Variants in GSTO2 observed in about 807,000 individuals in gnomAD.
GSTO2 encodes glutathione S-transferase omega 2, also known as glutathione S-transferase omega-2.
In GSTO2, 23 loss-of-function variants were observed where a neutral mutation model predicts 28.4. The ratio of observed to expected loss-of-function variants is 0.81; its 90% confidence interval spans 0.58 to 1.15. The LOEUF (loss-of-function observed/expected upper bound fraction) is 1.15, where lower values mean the gene tolerates loss of function less well. Among genes scored for constraint, GSTO2 ranks in the 50% most tolerant of loss-of-function variants. GSTO2 has a pLI of 0.00. For synonymous variants in GSTO2, 109 were observed against 111.0 expected (o/e 0.98, Z 0.11); for missense variants, 298 against 297.8 (o/e 1.00, Z 0.00).
chr10:104,274,978 T>G, intron 2 of GSTO2, 29 bp downstream of exon 2: 1 of 1,564,914 alleles, frequency 6.4e-7, no homozygotes, highest in Non-Finnish European at 8.6e-7. Context: ...GTCCGCGAGC[T>G]GGGGGCGCCG....
At chr10:104,281,710 T>C (rs1589863076) in intron 5 of GSTO2, among the ~76,000 whole-genome samples, 1 of 152,076 alleles carries the variant, frequency 6.6e-6, no homozygotes, top group East Asian at 1.9e-4. Flanking sequence ...GGCCTCTCTG[T>C]AAAGGCTCAG....
chr10:104,299,020 T>G (rs157079), intron 6 of GSTO2, 108 bp from the exon 7 acceptor site: 1 of 984,872 alleles, frequency 1.0e-6, no homozygotes, highest in African/African-American at 1.7e-5. Context: ...TAAGATAACT[T>G]CCCAAATAAA....
At chr10:104,270,180 A>AT (rs2011323966) in intron 1 of GSTO2, among the ~76,000 whole-genome samples, 8 of 149,098 alleles carry the variant, frequency 5.4e-5, no homozygotes, top group Admixed American at 5.3e-4. Flanking sequence ...CGCCCGGCTA[A>AT]TTTTTTGTAT....
chr10:104,289,948 A>T (rs1446092581), intron 5 of GSTO2, among the ~76,000 whole-genome samples: 2 of 152,172 alleles, frequency 1.3e-5, no homozygotes, highest in Non-Finnish European at 2.9e-5. Context: ...ACTGGTGAGG[A>T]TGTGGAGAAA....
chr10:104,281,160 G>A (rs925096308), intron 5 of GSTO2, among the ~76,000 whole-genome samples: 1 of 152,206 alleles, frequency 6.6e-6, no homozygotes, highest in South Asian at 2.1e-4. Flanking sequence ...AGTGAGTGGA[G>A]GCCTGGTAGA....
rs754851640 is a variant in GSTO2 at position 104,279,381 on chromosome 10, G to A, written c.378G>A (p.Leu126=). Residue 126 remains leucine (L), a synonymous_variant, in exon 5 of 7, where the codon TTG becomes TTA. Coordinates refer to ENST00000338595, the MANE Select transcript of GSTO2 (RefSeq NM_183239.2). ...TGTCCTCTGATTAGGTCCCACATTT[G>A]ACCAAGGAGTGCCTGGTAGCGTTGA... is the stretch of plus-strand genomic sequence containing the variant. ...LLELFCKVPH[L]TKECLVALRC... 2 of 1,613,610 alleles carry A rather than the reference G, an allele frequency of 1.2e-6. No individual in the cohort carries two copies. Among genetic ancestry groups the A allele is most frequent in the East Asian group, 2.2e-5 (1 of 44,874 alleles).
chr10:104,282,417 G>T (rs2012124551), intron 5 of GSTO2, among the ~76,000 whole-genome samples: 1 of 151,796 alleles, frequency 6.6e-6, no homozygotes, highest in Admixed American at 6.6e-5. Context: ...AGCTTGGCAT[G>T]GTGGCTTATG....
intron 5 of GSTO2, among the ~76,000 whole-genome samples, chr10:104,281,981 G>A (rs1057490659): frequency 6.6e-6 from 1 of 152,082 alleles, no homozygotes; most frequent in African/African-American, 2.4e-5. Context: ...TGATTGGTAA[G>A]AGGTGAATGT....
At chr10:104,292,251 C>T (rs2012811047) in intron 5 of GSTO2, among the ~76,000 whole-genome samples, 1 of 147,990 alleles carries the variant, frequency 6.8e-6, no homozygotes, top group Admixed American at 6.8e-5. Context: ...GTGTTTGTTG[C>T]CCAGGCTGGA....
At chr10:104,297,757 G>A (rs2013113407) in intron 6 of GSTO2, 73 bp downstream of exon 6, 3 of 977,016 alleles carry the variant, frequency 3.1e-6, no homozygotes, top group Non-Finnish European at 3.3e-6. Flanking sequence ...TGGTCTGCAT[G>A]CCCCCTGTAG....
intron 5 of GSTO2, among the ~76,000 whole-genome samples, chr10:104,288,032 CACCCG>C (rs1261946903): frequency 1.3e-5 from 2 of 151,724 alleles, no homozygotes; most frequent in Non-Finnish European, 2.9e-5. Flanking sequence ...GGACTACAGG[CACCCG>C]CCACCACGCC....
At chr10:104,282,238 A>C (rs958925347) in intron 5 of GSTO2, among the ~76,000 whole-genome samples, 51 of 149,504 alleles carry the variant, frequency 3.4e-4, no homozygotes, top group African/African-American at 1.3e-3. Flanking sequence ...AAAAAAAAAA[A>C]AAAAAGAAAA....
At chr10:104,294,723 T>C (rs2012944995) in intron 5 of GSTO2, among the ~76,000 whole-genome samples, 1 of 152,210 alleles carries the variant, frequency 6.6e-6, no homozygotes, top group South Asian at 2.1e-4. Context: ...TTCCTAATGC[T>C]CATCTCAGCT....
chr10:104,282,663 G>A (rs531091653), intron 5 of GSTO2, among the ~76,000 whole-genome samples: 4 of 152,276 alleles, frequency 2.6e-5, no homozygotes, highest in South Asian at 4.1e-4. Context: ...CCCCACTAAC[G>A]AGGGTTGGAG....
chr10:104,277,851 C>T (rs2011731601), intron 3 of GSTO2, 43 bp from the exon 4 acceptor site: 1 of 1,312,302 alleles, frequency 7.6e-7, no homozygotes, highest in Admixed American at 1.7e-5. Context: ...CCTGCAGATG[C>T]CTCTCATTTT....
intron 6 of GSTO2, 132 bp from the exon 7 acceptor site, chr10:104,298,996 G>A (rs1022326537): frequency 2.6e-6 from 2 of 768,966 alleles, no homozygotes; most frequent in Non-Finnish European, 2.0e-6. Flanking sequence ...ATTCTCACTT[G>A]ATAATAAGAT....
At chr10:104,278,187 T>A in intron 4 of GSTO2, 71 bp downstream of exon 4, 1 of 1,165,426 alleles carries the variant, frequency 8.6e-7, no homozygotes, top group Non-Finnish European at 1.3e-6. Context: ...TCAACCCATT[T>A]TAAAGCCAAA....
rs530169116 is a variant in GSTO2 at position 104,301,027 on chromosome 10, C to T, written c.*1743C>T. ...CAGGGGCAGTCTGCCGCACCATCTG[C>T]TCCGGATGTGGAGCCCTGTTGCCAT... On this transcript the variant is annotated 3_prime_UTR_variant, in exon 7 of 7. Coordinates refer to ENST00000338595, the MANE Select transcript of GSTO2 (RefSeq NM_183239.2). 21 of 152,378 alleles carry T rather than the reference C, an allele frequency of 1.4e-4. No individual in the cohort carries two copies. Among genetic ancestry groups the T allele is most frequent in the African/African-American group, 5.0e-4 (21 of 41,586 alleles). The allele number at this position is 152,378 out of a possible 1,614,324, so 9.4% of individuals were successfully genotyped here.
chr10:104,275,344 G>C lies in GSTO2; in HGVS notation c.143+10G>C, dbSNP rs1254161070. 3.1e-6 allele frequency: 5 copies of C among 1,612,770 alleles called. No homozygotes were observed. On this transcript the variant is annotated intron_variant, in intron 3 of 6. Transcript: ENST00000338595. ...AGGCCAAAGACATCAGGTGAGAAGC[G>C]GGAACCCAGAGCCCCCGAGCAAACC... is the stretch of plus-strand genomic sequence containing the variant.
Sources: gnomAD v4.1 joint callset for allele counts (sites outside exome capture counted in the v4.1 genomes callset) on GRCh38, gnomAD v4.1.1 for gene constraint, MANE v1.5 for transcripts, NCBI Gene and HGNC (gene_info 2026-07-23, HGNC 2026-07-21) for gene names.